The following LRRC4C variants were observed in gnomAD, a reference collection of about 807,000 sequenced individuals.
The protein encoded by LRRC4C is leucine rich repeat containing 4C, also known as leucine-rich repeat-containing protein 4C.
A neutral mutation model predicts 33.6 loss-of-function variants in LRRC4C; 5 were observed. That is an observed-to-expected ratio of 0.15 (90% CI 0.08 to 0.31). The LOEUF (loss-of-function observed/expected upper bound fraction) is 0.31, where lower values mean the gene tolerates loss of function less well. LRRC4C is among the 10% of genes least tolerant of loss of function. The probability of loss-of-function intolerance (pLI) is 1.00; values close to 1 mark genes in which losing one functional copy is unlikely to be tolerated. For synonymous variants in LRRC4C, 329 were observed against 302.0 expected (o/e 1.09, Z -0.93); for missense variants, 560 against 796.7 (o/e 0.70, Z 3.58).
intron 3 of LRRC4C, among the ~76,000 whole-genome samples, chr11:40,425,159 T>G: frequency 6.6e-6 from 1 of 151,766 alleles, no homozygotes; most frequent in Non-Finnish European, 1.5e-5. Context: ...GGTGGGTAGG[T>G]TTGTGGGGGA....
At chr11:41,230,954 G>T (rs1248482541) in intron 1 of LRRC4C, among the ~76,000 whole-genome samples, 2 of 149,936 alleles carry the variant, frequency 1.3e-5, no homozygotes, top group Non-Finnish European at 3.0e-5. Flanking sequence ...GTGGGCAAAG[G>T]ATATGAACAG....
At chr11:41,366,400 A>C (rs1952546441) in intron 1 of LRRC4C, among the ~76,000 whole-genome samples, 1 of 152,190 alleles carries the variant, frequency 6.6e-6, no homozygotes, top group African/African-American at 2.4e-5. Flanking sequence ...TAATTTAACC[A>C]AAAGCAAAGA....
intron 6 of LRRC4C, among the ~76,000 whole-genome samples, chr11:40,137,946 C>CA (rs1857096439): frequency 6.6e-6 from 1 of 151,988 alleles, no homozygotes. Flanking sequence ...ACCAAGAGAC[C>CA]AAAAAACACG....
intron 2 of LRRC4C, among the ~76,000 whole-genome samples, chr11:40,832,146 T>C (rs965759786): frequency 1.3e-5 from 2 of 152,058 alleles, no homozygotes; most frequent in Non-Finnish European, 2.9e-5. Flanking sequence ...GCTACAAACC[T>C]GAGCAGCAGG....
At chr11:40,155,094 C>A (rs1353770617) in intron 5 of LRRC4C, among the ~76,000 whole-genome samples, 1 of 152,100 alleles carries the variant, frequency 6.6e-6, no homozygotes, top group Non-Finnish European at 1.5e-5. Context: ...ATTAAATAAC[C>A]TGCTCCTGAA....
intron 3 of LRRC4C, among the ~76,000 whole-genome samples, chr11:40,403,245 A>G (rs1190269356): frequency 6.6e-6 from 1 of 152,160 alleles, no homozygotes; most frequent in Non-Finnish European, 1.5e-5. Flanking sequence ...ATGAGTGGTT[A>G]TGATAGCCTG....
intron 1 of LRRC4C, among the ~76,000 whole-genome samples, chr11:41,304,700 A>G (rs772801697): frequency 0.67 from 17,288 of 25,766 alleles, 6,232 homozygotes; most frequent in Middle Eastern, 0.81. Flanking sequence ...CCGGCCAGCC[A>G]CCCCGTCCGG....
chr11:40,804,789 C>G (rs1205635743), intron 2 of LRRC4C, among the ~76,000 whole-genome samples: 1 of 152,026 alleles, frequency 6.6e-6, no homozygotes, highest in Non-Finnish European at 1.5e-5. Context: ...CTCTCTAAAG[C>G]TATAAAAGTG....
intron 1 of LRRC4C, among the ~76,000 whole-genome samples, chr11:41,149,617 A>C (rs1323858160): frequency 6.6e-6 from 1 of 150,972 alleles, no homozygotes; most frequent in Non-Finnish European, 1.5e-5. Context: ...CTTTAGGTGG[A>C]GGGACCTACC....
intron 4 of LRRC4C, among the ~76,000 whole-genome samples, chr11:40,312,142 TAA>T (rs967913757): frequency 6.6e-6 from 1 of 151,818 alleles, no homozygotes; most frequent in Admixed American, 6.6e-5. Flanking sequence ...TGTTGATACA[TAA>T]AAAAAAGTTT....
At chr11:40,468,132 A>G (rs1952745536) in intron 3 of LRRC4C, among the ~76,000 whole-genome samples, 1 of 152,164 alleles carries the variant, frequency 6.6e-6, no homozygotes. Flanking sequence ...AATTCTTCAT[A>G]TTTATATATA....
chr11:41,279,428 A>ACACACACCCCCCC (rs58139193), intron 1 of LRRC4C, among the ~76,000 whole-genome samples: 1 of 140,788 alleles, frequency 7.1e-6, no homozygotes, highest in Non-Finnish European at 1.5e-5. Flanking sequence ...ACACACACAC[A>ACACACACCCCCCC]CCGTGGCAAT....
At chr11:40,830,329 C>T (rs1314811419) in intron 2 of LRRC4C, among the ~76,000 whole-genome samples, 1 of 152,088 alleles carries the variant, frequency 6.6e-6, no homozygotes, top group African/African-American at 2.4e-5. Context: ...TCTTATTATT[C>T]CCCATACTTG....
intron 1 of LRRC4C, among the ~76,000 whole-genome samples, chr11:41,129,780 T>A (rs1590693202): frequency 6.6e-6 from 1 of 152,014 alleles, no homozygotes; most frequent in East Asian, 1.9e-4. Context: ...TTTAACTAAT[T>A]ATCTAAGGTC....
chr11:40,140,619 G>A (rs934403868), intron 6 of LRRC4C, among the ~76,000 whole-genome samples, 182 bp downstream of exon 6: 12 of 152,022 alleles, frequency 7.9e-5, no homozygotes, highest in South Asian at 2.1e-4. Context: ...ACTATATTGC[G>A]GCTTATTTTT....
intron 2 of LRRC4C, among the ~76,000 whole-genome samples, chr11:40,890,347 A>C (rs1955646802): frequency 6.6e-6 from 1 of 152,146 alleles, no homozygotes; most frequent in East Asian, 1.9e-4. Context: ...AGAGAGCACT[A>C]AAGAGAGAAC....
chr11:41,398,171 C>G (rs960818339), intron 1 of LRRC4C, among the ~76,000 whole-genome samples: 1 of 151,966 alleles, frequency 6.6e-6, no homozygotes, highest in Non-Finnish European at 1.5e-5. Flanking sequence ...AAATGCCCCA[C>G]TTTCCCTCTT....
chr11:40,295,810 T>G (rs1401605412), intron 4 of LRRC4C, among the ~76,000 whole-genome samples: 1 of 152,228 alleles, frequency 6.6e-6, no homozygotes, highest in Non-Finnish European at 1.5e-5. Context: ...GCTTCTATTT[T>G]TAAGTGAATG....
chr11:41,202,174 G>T (rs77102933), intron 1 of LRRC4C, among the ~76,000 whole-genome samples: 13,458 of 152,146 alleles, frequency 0.088, 790 homozygotes, highest in South Asian at 0.18. Flanking sequence ...GCACTAGTAG[G>T]CTGATGGAAA....
Sources: gnomAD v4.1 joint callset for allele counts (sites outside exome capture counted in the v4.1 genomes callset) on GRCh38, gnomAD v4.1.1 for gene constraint, MANE v1.5 for transcripts, NCBI Gene and HGNC (gene_info 2026-07-23, HGNC 2026-07-21) for gene names.